The following GARNL3 variants were observed in gnomAD, a reference collection of about 807,000 sequenced individuals.
GARNL3 encodes GTPase-activating Rap/Ran-GAP domain-like protein 3.
Under a neutral mutation model 125.0 loss-of-function variants are expected in GARNL3, and 63 were observed. The ratio of observed to expected loss-of-function variants is 0.50; its 90% CI spans 0.41 to 0.62. GARNL3 has a LOEUF of 0.62. Ranked by LOEUF, GARNL3 falls within the 20% of genes least tolerant of loss-of-function variation. The pLI is 0.00. For missense variants in GARNL3, 994 were observed against 1,244.0 expected (o/e 0.80, Z 3.02); for synonymous variants, 439 against 457.5 (o/e 0.96, Z 0.52).
intron 2 of GARNL3, among the ~76,000 whole-genome samples, chr9:127,297,342 T>G (rs1438218069): frequency 4.6e-5 from 7 of 152,216 alleles, no homozygotes; most frequent in Non-Finnish European, 8.8e-5. Flanking sequence ...TTTTGCCATG[T>G]TGCCCAGGCT....
At chr9:127,355,151 A>G (rs1019503299) in intron 19 of GARNL3, 146 bp from the exon 20 acceptor site, 7 of 653,520 alleles carry the variant, frequency 1.1e-5, no homozygotes, top group Admixed American at 8.1e-5. Flanking sequence ...TGTAGTCTCC[A>G]TTTTGCCTAG....
At chr9:127,246,682 C>T (rs1331335859) in intron 2 of GARNL3, among the ~76,000 whole-genome samples, 1 of 152,058 alleles carries the variant, frequency 6.6e-6, no homozygotes, top group East Asian at 1.9e-4. Context: ...TGACATGTGC[C>T]TGTAGTCCCA....
intron 1 of GARNL3, among the ~76,000 whole-genome samples, chr9:127,229,179 C>A (rs2062961692): frequency 6.6e-6 from 1 of 152,206 alleles, no homozygotes; most frequent in African/African-American, 2.4e-5. Context: ...AAATGTTCAT[C>A]TATACCTTCT....
intron 4 of GARNL3, among the ~76,000 whole-genome samples, chr9:127,315,909 G>T (rs2065228403): frequency 6.6e-6 from 1 of 152,178 alleles, no homozygotes; most frequent in Non-Finnish European, 1.5e-5. Flanking sequence ...ACACACACCT[G>T]TTACACAGGG....
At chr9:127,352,784 G>A (rs1278389697) in intron 17 of GARNL3, among the ~76,000 whole-genome samples, 1 of 152,098 alleles carries the variant, frequency 6.6e-6, no homozygotes, top group Middle Eastern at 3.2e-3. Context: ...CATCCAGGAC[G>A]GGATGAACTC....
In GARNL3 at chr9:127,313,334, G is replaced by T. The variant is rs1442142012; in HGVS notation, c.320-107G>T. ...ATCCCAAGCTGGCTTTGGGATTATTGTTCCCTGAGCATGTGGGAAGGGCTG... is the reference window on the plus strand; with the variant it reads ...ATCCCAAGCTGGCTTTGGGATTATTTTTCCCTGAGCATGTGGGAAGGGCTG... On this transcript the variant is annotated intron_variant, in intron 3 of 27. Transcript: ENST00000373387. 3.2e-5 allele frequency: 26 copies of T among 801,222 alleles called. No homozygotes were observed. The Admixed American group carries it at 4.5e-4, about 14-fold the overall frequency. The allele number at this position is 801,222 out of a possible 1,614,324, so 49.6% of individuals were successfully genotyped here.
At position 127,280,198 on chromosome 9, in the gene GARNL3, C is replaced by T. The variant is rs1046249332; in HGVS notation, c.145-10970C>T. ...TGAAGAGGTTAAATCTCCCCCAGCC[C>T]CTTGGCATGTTGGGGAAACTAAACT... is the stretch of plus-strand genomic sequence containing the variant. On this transcript the variant is annotated intron_variant, in intron 1 of 27. Transcript: ENST00000373387. This position sits in a 1 kb window ranked among gnomAD's most constrained non-coding sequence, Gnocchi z 4.5. Among the ~76,000 whole-genome samples, 4 of 152,158 alleles carry T rather than the reference C, an allele frequency of 2.6e-5. No individual in the cohort carries two copies. The highest frequency in any genetic ancestry group is 9.7e-5 in the African/African-American group (4 of 41,428).
chr9:127,253,755 G>A (rs1422032276), intron 2 of GARNL3, among the ~76,000 whole-genome samples: 1 of 152,114 alleles, frequency 6.6e-6, no homozygotes, highest in Non-Finnish European at 1.5e-5. Context: ...AAGGGTGTAG[G>A]TGTAGGACCA....
chr9:127,226,352 A>G (rs1332883487), intron 1 of GARNL3, among the ~76,000 whole-genome samples: 4 of 152,208 alleles, frequency 2.6e-5, no homozygotes, highest in Admixed American at 6.5e-5. Context: ...TTTTCCCTCC[A>G]TCCTCAGTTC....
intron 1 of GARNL3, 140 bp downstream of exon 1, chr9:127,265,161 A>C (rs1353519543): frequency 1.8e-6 from 1 of 569,462 alleles, no homozygotes; most frequent in Non-Finnish European, 2.9e-6. Context: ...ATAAATAACT[A>C]TACAAAGGCT....
At chr9:127,276,271 C>T (rs563861094) in intron 1 of GARNL3, among the ~76,000 whole-genome samples, 10 of 152,034 alleles carry the variant, frequency 6.6e-5, no homozygotes, top group Non-Finnish European at 1.5e-4. Context: ...GATTACAGGT[C>T]AGTCTTCATG....
chr9:127,276,521 C>T (rs2063961694), intron 1 of GARNL3, among the ~76,000 whole-genome samples: 1 of 152,130 alleles, frequency 6.6e-6, no homozygotes, highest in African/African-American at 2.4e-5. Flanking sequence ...ACTCCCAGAT[C>T]CATATATTGA....
At chr9:127,338,058 G>T (rs967545495) in intron 11 of GARNL3, 58 bp from the exon 12 acceptor site, 2 of 1,276,364 alleles carry the variant, frequency 1.6e-6, no homozygotes, top group African/African-American at 1.5e-5. Flanking sequence ...TTTTCAGAGC[G>T]CAAGCTGTCA....
At chr9:127,360,495 G>GA (rs1035397144) in intron 21 of GARNL3, among the ~76,000 whole-genome samples, 7 of 152,298 alleles carry the variant, frequency 4.6e-5, no homozygotes, top group African/African-American at 1.7e-4. Flanking sequence ...ATCTTTCAAG[G>GA]AGGGTACTGT....
chr9:127,239,614 A>G (rs1398245205), intron 1 of GARNL3, among the ~76,000 whole-genome samples: 1 of 152,238 alleles, frequency 6.6e-6, no homozygotes, highest in Non-Finnish European at 1.5e-5. Context: ...GCAAATGAGT[A>G]CTTACTCCAC....
At chr9:127,277,690 G>A (rs1162123519) in intron 1 of GARNL3, among the ~76,000 whole-genome samples, 3 of 151,922 alleles carry the variant, frequency 2.0e-5, no homozygotes, top group East Asian at 1.9e-4. Flanking sequence ...TCCAGCAAAC[G>A]GACCTTTACC....
At chr9:127,241,258 A>T (rs1162281043) in intron 1 of GARNL3, among the ~76,000 whole-genome samples, 1 of 152,214 alleles carries the variant, frequency 6.6e-6, no homozygotes, top group Non-Finnish European at 1.5e-5. Flanking sequence ...TTTGCATACA[A>T]GTATTATCTT....
intron 1 of GARNL3, among the ~76,000 whole-genome samples, chr9:127,226,220 CAGAG>C (rs966009340): frequency 3.9e-5 from 6 of 152,130 alleles, no homozygotes; most frequent in Non-Finnish European, 8.8e-5. Context: ...GAGTGGGGGA[CAGAG>C]AGAGAGAAGG....
chr9:127,277,137 G>A (rs1173550024), intron 1 of GARNL3, among the ~76,000 whole-genome samples: 1 of 152,126 alleles, frequency 6.6e-6, no homozygotes, highest in Non-Finnish European at 1.5e-5. Flanking sequence ...TAAAACCCGT[G>A]TTCTGATTTG....
Sources: allele counts gnomAD v4.1 joint callset (sites outside exome capture counted in the v4.1 genomes callset), GRCh38; gene constraint gnomAD v4.1.1; non-coding constraint Gnocchi (gnomAD v3.1); transcripts MANE v1.5; gene names NCBI Gene and HGNC (gene_info 2026-07-23, HGNC 2026-07-21).